FBN3: variants seen among roughly 807,000 people sequenced by gnomAD.
FBN3 encodes fibrillin 3.
In FBN3, 234 loss-of-function variants were observed where a neutral mutation model predicts 330.1. The observed-to-expected ratio is 0.71, with a 90% confidence interval of 0.64 to 0.79. The LOEUF (loss-of-function observed/expected upper bound fraction) is 0.79. Ranked by LOEUF, FBN3 falls within the 30% of genes least tolerant of loss-of-function variation. The probability of loss-of-function intolerance (pLI) is 0.00; values close to 1 mark genes in which losing one functional copy is unlikely to be tolerated. For missense variants in FBN3, 3,606 were observed against 3,886.9 expected (o/e 0.93, Z 1.92); for synonymous variants, 1,458 against 1,517.3 (o/e 0.96, Z 0.91).
Position 8,096,152 on chromosome 19 carries a change from G to A in FBN3, c.5540-72C>T, listed in dbSNP as rs2082204568. ...GGGGAACTTGGGGAGTGAGAGGCCA[G>A]CTGGACCTAGCACTCCTCCCCTGCA... is the stretch of plus-strand genomic sequence containing the variant. On this transcript the variant is annotated intron_variant, in intron 44 of 63. Transcript: ENST00000600128. This position sits in a 1 kb window ranked among gnomAD's most constrained non-coding sequence, Gnocchi z 4.6. The A allele has an allele frequency of 8.8e-7, 1 of 1,136,714 alleles. No homozygotes were observed. Among genetic ancestry groups the A allele is most frequent in the African/African-American group, 1.5e-5 (1 of 65,866 alleles). 70.4% of individuals were successfully genotyped at this position (1,136,714 alleles called of 1,614,324 possible).
chr19:8,132,835 C>T (rs1324842760), intron 14 of FBN3, 149 bp downstream of exon 14: 3 of 915,146 alleles, frequency 3.3e-6, no homozygotes, highest in Non-Finnish European at 3.1e-6. Flanking sequence ...CCCCTTTTCC[C>T]TCCTCCTCCT....
chr19:8,143,527 C>T (rs1409166250), intron 6 of FBN3, among the ~76,000 whole-genome samples: 10 of 111,424 alleles, frequency 9.0e-5, no homozygotes, highest in African/African-American at 3.0e-4. Context: ...GACAGGGTTT[C>T]GCTCTGTCTT....
intron 63 of FBN3, among the ~76,000 whole-genome samples, chr19:8,070,233 C>A (rs114916954): frequency 1.8e-3 from 279 of 152,278 alleles, no homozygotes; most frequent in African/African-American, 6.3e-3. Flanking sequence ...CTCTCAAGCC[C>A]AATAACCCTA....
In FBN3 at chr19:8,086,715, G is replaced by A. The variant is rs182941080; in HGVS notation, c.6754+362C>T. Among the ~76,000 whole-genome samples the A allele has an allele frequency of 5.4e-3, 805 of 149,126 alleles. 9 individuals carry two copies. The highest frequency in any genetic ancestry group is 0.019 in the African/African-American group (778 of 40,596). ...ACTCCTAACCTCAGATGATCCAACC[G>A]CCTTGGTCTCCCAAAGTGCTAGGAT... On this transcript the variant is annotated intron_variant, in intron 54 of 63. Coordinates refer to ENST00000600128, the MANE Select transcript of FBN3 (RefSeq NM_032447.5).
Position 8,073,103 on chromosome 19 carries a change from G to C in FBN3, c.7897C>G (p.Leu2633Val), listed in dbSNP as rs1174247206. The C allele has an allele frequency of 6.2e-7, 1 of 1,613,410 alleles. No individual in the cohort carries two copies. The highest frequency in any genetic ancestry group is 8.5e-7 in the Non-Finnish European group (1 of 1,179,668). The change falls in exon 62 of 64, where the codon CTG (leucine) becomes GTG (valine). Residue 2633 changes from leucine (L) to valine (V), a missense_variant. By Grantham distance (32) the Leu-to-Val change is conservative. Coordinates refer to ENST00000600128, the MANE Select transcript of FBN3 (RefSeq NM_032447.5). ...AAGTAGCCTTGAGGACAGCCGCACA[G>C]GAAGCCACCAGGCGTGTTGGCACAG... ...YSCANTPGGF[L>V]CGCPQGYFRA...
intron 38 of FBN3, among the ~76,000 whole-genome samples, chr19:8,104,928 TTTCTTTCTCTC>T (rs2082405941): frequency 6.6e-6 from 1 of 151,588 alleles, no homozygotes; most frequent in African/African-American, 2.4e-5. Flanking sequence ...CTTTCTTCTC[TTTCTTTCTCTC>T]TCTTTCTCTC....
chr19:8,117,325 G>C (rs776286150), intron 27 of FBN3, 34 bp from the exon 28 acceptor site: 2 of 1,560,798 alleles, frequency 1.3e-6, no homozygotes, highest in South Asian at 1.2e-5. Flanking sequence ...GGCTGGGGCT[G>C]GGGGGAGGGG....
rs763303384 is a variant in FBN3 at position 8,089,582 on chromosome 19, A to T, written c.6339T>A (p.Phe2113Leu). 1.1e-5 allele frequency: 18 copies of T among 1,614,062 alleles called. No homozygotes were observed. The highest frequency in any genetic ancestry group is 1.4e-5 in the Non-Finnish European group (17 of 1,180,014). ...TGCCAGTGAAGTCCAGGCTGTAGCC[A>T]AAGGGACACTCACAGCGGAAGGATC... ...TDGSFRCECP[F>L]GYSLDFTGIN... The change falls in exon 51 of 64, where the codon TTT (phenylalanine) becomes TTA (leucine). Residue 2113 changes from phenylalanine (F) to leucine (L), a missense_variant. By Grantham distance (22) the Phe-to-Leu change is conservative. Coordinates refer to ENST00000600128, the MANE Select transcript of FBN3 (RefSeq NM_032447.5).
intron 57 of FBN3, among the ~76,000 whole-genome samples, chr19:8,082,666 G>A (rs12608618): frequency 0.49 from 74,728 of 151,820 alleles, 18,705 homozygotes; most frequent in Admixed American, 0.54. Flanking sequence ...GCTAATTTTC[G>A]TATTTTTAGC....
At position 8,089,544 on chromosome 19, in the gene FBN3, C is replaced by A. The variant is rs745611994; in HGVS notation, c.6376+1G>T. 8.1e-6 allele frequency: 13 copies of A among 1,614,066 alleles called. No individual in the cohort carries two copies. The South Asian group carries it at 1.3e-4, about 16-fold the overall frequency. Reference sequence around the variant, plus strand: ...GAGCTGGGGAAGGGCTGGCCACTCACCCACACAGTTGATGCCAGTGAAGTC... The same window carrying A: ...GAGCTGGGGAAGGGCTGGCCACTCAACCACACAGTTGATGCCAGTGAAGTC... On this transcript the variant is annotated splice_donor_variant, in intron 51 of 63. Coordinates refer to ENST00000600128, the MANE Select transcript of FBN3 (RefSeq NM_032447.5). LOFTEE classifies it high-confidence loss of function.
At chr19:8,091,614 G>C (rs1276781838) in intron 47 of FBN3, 24 bp from the exon 48 acceptor site, 4 of 1,612,562 alleles carry the variant, frequency 2.5e-6, no homozygotes, top group Non-Finnish European at 3.4e-6. Flanking sequence ...GACATGAGCT[G>C]GGTGGGGGGC....
At chr19:8,093,409 G>A (rs1043958670) in intron 47 of FBN3, among the ~76,000 whole-genome samples, 1 of 152,118 alleles carries the variant, frequency 6.6e-6, no homozygotes, top group Non-Finnish European at 1.5e-5. Flanking sequence ...AGATCACGAG[G>A]TCAGGAGATC....
intron 23 of FBN3, 39 bp downstream of exon 23, chr19:8,123,745 C>T: frequency 6.2e-7 from 1 of 1,603,994 alleles, no homozygotes; most frequent in East Asian, 2.2e-5. Context: ...CGTGCCCCTC[C>T]CCATCCTTCC....
intron 30 of FBN3, 141 bp from the exon 31 acceptor site, chr19:8,112,240 C>G: frequency 1.3e-6 from 1 of 795,886 alleles, no homozygotes; most frequent in Non-Finnish European, 1.9e-6. Flanking sequence ...TGGGGAGCTT[C>G]CATCTTTACC....
intron 56 of FBN3, 54 bp downstream of exon 56, chr19:8,085,309 G>A: frequency 6.8e-7 from 1 of 1,479,308 alleles, no homozygotes; most frequent in Non-Finnish European, 9.1e-7. Context: ...ATGACCCTGA[G>A]CAAACTCCCC....
intron 1 of FBN3, among the ~76,000 whole-genome samples, chr19:8,148,554 G>A (rs1568467763): frequency 6.6e-6 from 1 of 152,246 alleles, no homozygotes; most frequent in Non-Finnish European, 1.5e-5. Context: ...GGGCCATGAA[G>A]GACGGGAGGG....
intron 37 of FBN3, among the ~76,000 whole-genome samples, chr19:8,106,838 A>C (rs1399512449): frequency 2.0e-5 from 3 of 148,290 alleles, no homozygotes; most frequent in Non-Finnish European, 4.5e-5. Flanking sequence ...GGTGGATGGG[A>C]AATGGGTGGA....
Position 8,123,595 on chromosome 19 carries a change from G to T in FBN3, c.2957-6C>A, listed in dbSNP as rs752998004. On this transcript the variant is annotated splice_polypyrimidine_tract_variant and splice_region_variant and intron_variant, in intron 23 of 63. Transcript: ENST00000600128. ...CACCTTGCATTCATTCACATCTGAAGTACAGGGGCATCAAACCACCCTGAC... is the reference window on the plus strand; with the variant it reads ...CACCTTGCATTCATTCACATCTGAATTACAGGGGCATCAAACCACCCTGAC... 2.4e-5 allele frequency: 38 copies of T among 1,613,810 alleles called. 2 individuals carry two copies. In the South Asian group the frequency reaches 4.1e-4, roughly 17 times the overall value.
intron 18 of FBN3, among the ~76,000 whole-genome samples, chr19:8,127,055 T>TTG (rs991794938): frequency 2.6e-4 from 29 of 110,982 alleles, no homozygotes; most frequent in African/African-American, 3.2e-4. Flanking sequence ...ACTGTTTTTT[T>TTG]TTTGTTTTTT....
Sources: gnomAD v4.1 joint callset for allele counts (sites outside exome capture counted in the v4.1 genomes callset) on GRCh38, gnomAD v4.1.1 for gene constraint, Gnocchi (gnomAD v3.1) non-coding constraint, MANE v1.5 for transcripts, NCBI Gene and HGNC (gene_info 2026-07-23, HGNC 2026-07-21) for gene names.